DLG2: variants seen among roughly 807,000 people sequenced by gnomAD.
The protein encoded by DLG2 is disks large homolog 2.
In DLG2, 45 loss-of-function variants were observed where a neutral mutation model predicts 132.5. That is an observed-to-expected ratio of 0.34 (90% CI 0.27 to 0.44). The LOEUF is 0.44. DLG2 is among the 20% of genes least tolerant of loss of function. DLG2 has a pLI of 1.00. For missense variants in DLG2, 1,045 were observed against 1,196.9 expected, an observed-to-expected ratio of 0.87 and a Z score of 1.87; for synonymous variants, 424 against 419.6, an observed-to-expected ratio of 1.01 and a Z score of -0.13.
intron 10 of DLG2, among the ~76,000 whole-genome samples, chr11:84,079,286 T>G (rs1291016070): frequency 2.0e-5 from 3 of 151,424 alleles, no homozygotes; most frequent in African/African-American, 7.3e-5. Flanking sequence ...TTGTTTTTTT[T>G]TTTGTTTTTC....
chr11:85,508,642 C>A (rs2153149741), intron 3 of DLG2, among the ~76,000 whole-genome samples: 1 of 152,084 alleles, frequency 6.6e-6, no homozygotes, highest in Admixed American at 6.6e-5. Context: ...CAATTGATGG[C>A]AAATTATACG....
intron 6 of DLG2, among the ~76,000 whole-genome samples, chr11:84,762,659 A>G (rs2067798200): frequency 6.6e-6 from 1 of 152,232 alleles, no homozygotes; most frequent in South Asian, 2.1e-4. Flanking sequence ...AAGAAATTTC[A>G]CATTGGAGAT....
At chr11:85,545,974 TTG>T (rs1397538441) in intron 3 of DLG2, among the ~76,000 whole-genome samples, 8 of 152,206 alleles carry the variant, frequency 5.3e-5, no homozygotes, top group Non-Finnish European at 1.0e-4. Flanking sequence ...GTAGGGTTTT[TTG>T]TGTCTCTGTC....
In DLG2 at chr11:85,070,463, A is replaced by G. The variant is rs576290283; in HGVS notation, c.357+41198T>C. On this transcript the variant is annotated intron_variant, in intron 6 of 27. Transcript: ENST00000376104. ...CGTGTGGAGAAAGAAAGAAAATATG[A>G]AAAACCTACTCGGTACATTCAGGTG... Among the ~76,000 whole-genome samples, 30 of 151,938 alleles carry G rather than the reference A, an allele frequency of 2.0e-4. No individual in the cohort carries two copies. The South Asian group carries it at 6.2e-3, about 31-fold the overall frequency.
intron 6 of DLG2, among the ~76,000 whole-genome samples, chr11:84,872,162 T>C (rs1019797606): frequency 6.6e-6 from 1 of 152,334 alleles, no homozygotes; most frequent in South Asian, 2.1e-4. Flanking sequence ...GAAATAATGC[T>C]ACTGACTCAT....
intron 6 of DLG2, among the ~76,000 whole-genome samples, chr11:85,023,639 C>A (rs1226031585): frequency 6.6e-6 from 1 of 151,862 alleles, no homozygotes; most frequent in Non-Finnish European, 1.5e-5. Flanking sequence ...AAGAAAAAAT[C>A]AATTATAAAA....
At chr11:84,431,369 G>T (rs555538129) in intron 7 of DLG2, among the ~76,000 whole-genome samples, 13 of 152,032 alleles carry the variant, frequency 8.6e-5, no homozygotes, top group African/African-American at 3.1e-4. Context: ...AATCTCACTG[G>T]GTCTTTATAT....
At chr11:83,957,570 T>A (rs372647133) in intron 14 of DLG2, among the ~76,000 whole-genome samples, 1,477 of 109,314 alleles carry the variant, frequency 0.014, 13 homozygotes, top group Middle Eastern at 0.069. Context: ...TTTTTTTTTT[T>A]TAAAAACATA....
At chr11:85,196,824 C>G (rs1338027555) in intron 4 of DLG2, among the ~76,000 whole-genome samples, 8 of 152,116 alleles carry the variant, frequency 5.3e-5, no homozygotes. Flanking sequence ...TAATTTCCCC[C>G]AGCCAAATAT....
chr11:83,917,887 G>A (rs576554308), intron 15 of DLG2, among the ~76,000 whole-genome samples: 1 of 152,260 alleles, frequency 6.6e-6, no homozygotes, highest in African/African-American at 2.4e-5. Context: ...TATTACTAGA[G>A]GAAAATCTAC....
intron 8 of DLG2, among the ~76,000 whole-genome samples, chr11:84,237,388 C>A (rs74446333): frequency 7.9e-5 from 12 of 152,086 alleles, no homozygotes; most frequent in African/African-American, 7.2e-5. Context: ...GATTATAATG[C>A]GCTATTGTTT....
chr11:84,052,017 C>G (rs1475413965), intron 11 of DLG2, among the ~76,000 whole-genome samples: 1 of 151,584 alleles, frequency 6.6e-6, no homozygotes, highest in African/African-American at 2.4e-5. Context: ...GGGTGAGGGG[C>G]GAGTGATGGA....
chr11:84,493,260 T>C (rs1188382067), intron 7 of DLG2, among the ~76,000 whole-genome samples: 1 of 152,164 alleles, frequency 6.6e-6, no homozygotes. Context: ...AGATTCTTGA[T>C]AAATTTTACC....
intron 4 of DLG2, among the ~76,000 whole-genome samples, chr11:85,242,043 C>A (rs1385448817): frequency 6.6e-6 from 1 of 151,866 alleles, no homozygotes; most frequent in Non-Finnish European, 1.5e-5. Context: ...ATATGTCTGT[C>A]AGGTCATTTA....
chr11:84,839,849 T>A (rs1432090722), intron 6 of DLG2, among the ~76,000 whole-genome samples: 1 of 152,060 alleles, frequency 6.6e-6, no homozygotes, highest in Non-Finnish European at 1.5e-5. Flanking sequence ...TCGAGATAGA[T>A]TAAATACTTA....
chr11:83,760,808 C>T (rs1174258903), intron 18 of DLG2, among the ~76,000 whole-genome samples: 1 of 152,176 alleles, frequency 6.6e-6, no homozygotes, highest in East Asian at 1.9e-4. Flanking sequence ...GGTCCCTTGC[C>T]TAGACAACTG....
chr11:84,313,460 A>G (rs2098313222), intron 7 of DLG2, among the ~76,000 whole-genome samples: 1 of 147,852 alleles, frequency 6.8e-6, no homozygotes, highest in Admixed American at 6.8e-5. Context: ...AATAGTACAT[A>G]GTAGGCATTC....
intron 3 of DLG2, among the ~76,000 whole-genome samples, chr11:85,507,760 C>T (rs1009901111): frequency 6.6e-6 from 1 of 152,082 alleles, no homozygotes; most frequent in Non-Finnish European, 1.5e-5. Context: ...GACTTCCTTG[C>T]TAGGTCTGGG....
chr11:85,423,498 T>C (rs537206938), intron 3 of DLG2, among the ~76,000 whole-genome samples: 23 of 152,194 alleles, frequency 1.5e-4, no homozygotes, highest in African/African-American at 4.8e-4. Context: ...CTCCCAGGAA[T>C]ATATGCCCTT....
Sources: gnomAD v4.1 joint callset for allele counts (sites outside exome capture counted in the v4.1 genomes callset) on GRCh38, gnomAD v4.1.1 for gene constraint, MANE v1.5 for transcripts, NCBI Gene and HGNC (gene_info 2026-07-23, HGNC 2026-07-21) for gene names.